Variants in PRPF8 observed in about 807,000 individuals in gnomAD.
PRPF8 encodes pre-mRNA-processing-splicing factor 8.
PRPF8 carries 64 observed loss-of-function variants against 285.9 expected under a neutral mutation model. That is an observed-to-expected ratio of 0.22 (90% CI 0.18 to 0.28). The LOEUF is 0.28. Among genes scored for constraint, PRPF8 ranks in the 10% least tolerant of loss-of-function variants. The pLI, the probability that PRPF8 is intolerant of heterozygous loss-of-function variation, is 1.00. For synonymous variants in PRPF8, 1,325 were observed against 1,118.2 expected, an observed-to-expected ratio of 1.18 and a Z score of -3.69; for missense variants, 1,426 against 3,026.7, an observed-to-expected ratio of 0.47 and a Z score of 12.41.
At chr17:1,670,079 C>A (rs1041954041) in intron 24 of PRPF8, among the ~76,000 whole-genome samples, 1 of 152,150 alleles carries the variant, frequency 6.6e-6, no homozygotes, top group Non-Finnish European at 1.5e-5. Flanking sequence ...CTTTTTAAAT[C>A]AAATCTAACA....
chr17:1,676,827 C>CCA lies in PRPF8; in HGVS notation c.2182-118_2182-117dup. ...ATCGCTTGAGCTCAGGAGCTTGAGG[C>CCA]CAGCCTAAGCAACATGGTGCTTCTT... is the stretch of plus-strand genomic sequence containing the variant. On this transcript the variant is annotated intron_variant, in intron 15 of 42. Transcript: ENST00000304992. This position sits in a 1 kb window ranked among gnomAD's most constrained non-coding sequence, Gnocchi z 6.3. The CCA allele has an allele frequency of 3.4e-6, 5 of 1,465,392 alleles. No homozygotes were observed. The highest frequency in any genetic ancestry group is 4.7e-6 in the Non-Finnish European group (5 of 1,055,730). 90.8% of individuals were successfully genotyped at this position (1,465,392 alleles called of 1,614,324 possible). A position where few individuals can be genotyped will look rare whatever the true frequency, so the allele number is the denominator to read the frequency against.
intron 24 of PRPF8, 173 bp downstream of exon 24, chr17:1,672,908 A>G (rs1052047707): frequency 7.3e-6 from 5 of 683,920 alleles, no homozygotes; most frequent in Non-Finnish European, 1.1e-5. Flanking sequence ...CGCTCAGAAA[A>G]TAACGATGAA....
chr17:1,661,442 T>C lies in PRPF8; in HGVS notation c.4203-36A>G, dbSNP rs776767525. On this transcript the variant is annotated intron_variant, in intron 26 of 42. Coordinates refer to ENST00000304992, the MANE Select transcript of PRPF8 (RefSeq NM_006445.4). The surrounding 1 kb of genome is among the most constrained non-coding windows in gnomAD (Gnocchi z 7.3). Reference sequence around the variant, plus strand: ...AAGAAAGATTCAAGTCAAAACGTGATCTCATATGAGGAGCTCAGCACTCCT... The same window carrying C: ...AAGAAAGATTCAAGTCAAAACGTGACCTCATATGAGGAGCTCAGCACTCCT... 8 of 1,613,898 alleles carry C rather than the reference T, an allele frequency of 5.0e-6. No homozygotes were observed. The highest frequency in any genetic ancestry group is 5.9e-6 in the Non-Finnish European group (7 of 1,180,040).
intron 37 of PRPF8, among the ~76,000 whole-genome samples, 178 bp downstream of exon 37, chr17:1,655,172 G>T (rs931978947): frequency 2.7e-5 from 4 of 149,886 alleles, no homozygotes; most frequent in African/African-American, 9.9e-5. Context: ...TGGCCAGGAT[G>T]GTTTCAAACT....
intron 6 of PRPF8, 111 bp downstream of exon 6, chr17:1,681,367 A>T: frequency 8.1e-7 from 1 of 1,229,148 alleles, no homozygotes; most frequent in Non-Finnish European, 1.2e-6. Context: ...AGCGTGAGCC[A>T]CTGCACCTGG....
chr17:1,652,166 A>G (rs1911114208), intron 39 of PRPF8: 1 of 370,534 alleles, frequency 2.7e-6, no homozygotes. Flanking sequence ...ACCAAGAAAG[A>G]AAGAGGATCT....
In PRPF8 at chr17:1,681,068, T is replaced by A; in HGVS notation, c.867-14A>T. On this transcript the variant is annotated splice_polypyrimidine_tract_variant and intron_variant, in intron 6 of 42. Coordinates refer to ENST00000304992, the MANE Select transcript of PRPF8 (RefSeq NM_006445.4). ...CAGTCTTCATCCCTAGGGTACAACA[T>A]CAAGAATAAGCAGACTTTTTTTTTT... 3 of 1,611,812 alleles carry A rather than the reference T, an allele frequency of 1.9e-6. No individual in the cohort carries two copies. The highest frequency in any genetic ancestry group is 2.5e-6 in the Non-Finnish European group (3 of 1,178,414).
Position 1,676,239 on chromosome 17 carries a change from G to A in PRPF8, c.2520C>T (p.Ile840=). Residue 840 remains isoleucine, a synonymous_variant, in exon 17 of 43, where the codon ATC becomes ATT. Transcript: ENST00000304992. This position sits in a 1 kb window ranked among gnomAD's most constrained non-coding sequence, Gnocchi z 6.3. ...LSYKHDTKLL[I]LALERLKEAY... ...CTTCCTTGAGCCGCTCCAATGCCAA[G>A]ATGAGCAACTTGGTGTCATGCTTAT... 1 of 1,613,980 alleles carries A rather than the reference G, an allele frequency of 6.2e-7. No individual in the cohort carries two copies. Among genetic ancestry groups the A allele is most frequent in the Non-Finnish European group, 8.5e-7 (1 of 1,180,028 alleles).
intron 34 of PRPF8, 145 bp from the exon 35 acceptor site, chr17:1,656,906 G>A (rs1363313460): frequency 2.5e-6 from 2 of 803,430 alleles, no homozygotes; most frequent in South Asian, 1.5e-5. Flanking sequence ...GGTACAAAGA[G>A]TATCAAATGG....
intron 14 of PRPF8, 196 bp downstream of exon 14, chr17:1,677,369 C>A: frequency 1.0e-6 from 1 of 971,950 alleles, no homozygotes; most frequent in Non-Finnish European, 1.6e-6. Flanking sequence ...TCCACTCCTG[C>A]AAATGCATGA....
Position 1,651,620 on chromosome 17 carries a change from A to G in PRPF8, c.6510+28T>C, listed in dbSNP as rs1389854947. ...ACAGGAATCGCACCAGCTTTTCCAC[A>G]CTCCCAGGCTCCATCACTCCCCATT... On this transcript the variant is annotated intron_variant, in intron 40 of 42. Coordinates refer to ENST00000304992, the MANE Select transcript of PRPF8 (RefSeq NM_006445.4). The surrounding 1 kb of genome is among the most constrained non-coding windows in gnomAD (Gnocchi z 5.1). 6.2e-7 allele frequency: 1 copy of G among 1,613,712 alleles called. No homozygotes were observed. Among genetic ancestry groups the G allele is most frequent in the South Asian group, 1.1e-5 (1 of 91,048 alleles).
intron 2 of PRPF8, among the ~76,000 whole-genome samples, chr17:1,684,071 G>A (rs573910850): frequency 2.0e-5 from 3 of 151,968 alleles, no homozygotes; most frequent in Non-Finnish European, 2.9e-5. Flanking sequence ...ATTTTTCGTA[G>A]AGACGAGGTT....
chr17:1,661,473 GC>G lies in PRPF8; in HGVS notation c.4203-68del, dbSNP rs1352956128. ...ATGAGGAGCTCAGCACTCCTTCCTG[GC>G]CAAAAATAATTAGGGTCAGTAGAAC... On this transcript the variant is annotated intron_variant, in intron 26 of 42. Coordinates refer to ENST00000304992, the MANE Select transcript of PRPF8 (RefSeq NM_006445.4). This position sits in a 1 kb window ranked among gnomAD's most constrained non-coding sequence, Gnocchi z 7.3. 4 of 1,612,100 alleles carry G rather than the reference GC, an allele frequency of 2.5e-6. No homozygotes were observed. Among genetic ancestry groups the G allele is most frequent in the Non-Finnish European group, 3.4e-6 (4 of 1,179,276 alleles).
At chr17:1,667,994 C>T (rs1238652024) in intron 24 of PRPF8, among the ~76,000 whole-genome samples, 2 of 152,148 alleles carry the variant, frequency 1.3e-5, no homozygotes, top group African/African-American at 4.8e-5. Context: ...TGCAATTTAC[C>T]AAGTAATATG....
At chr17:1,665,625 C>T (rs1429084925) in intron 24 of PRPF8, among the ~76,000 whole-genome samples, 4 of 150,764 alleles carry the variant, frequency 2.7e-5, no homozygotes, top group South Asian at 2.1e-4. Flanking sequence ...AGGTGGATCA[C>T]GAGGTCAAGA....
intron 6 of PRPF8, 90 bp downstream of exon 6, chr17:1,681,388 C>CT: frequency 7.2e-7 from 1 of 1,392,248 alleles, no homozygotes; most frequent in African/African-American, 1.4e-5. Flanking sequence ...TGTAAACAGA[C>CT]TAATTTGGAA....
At chr17:1,657,769 C>T (rs1567677781) in intron 34 of PRPF8, among the ~76,000 whole-genome samples, 3 of 150,374 alleles carry the variant, frequency 2.0e-5, no homozygotes, top group Non-Finnish European at 2.9e-5. Flanking sequence ...GAGATCGAGA[C>T]CATCCTGGCT....
intron 24 of PRPF8, among the ~76,000 whole-genome samples, chr17:1,667,838 G>A (rs544567013): frequency 3.9e-4 from 59 of 151,972 alleles, no homozygotes; most frequent in Non-Finnish European, 7.9e-4. Context: ...CACCGCACCC[G>A]GCCTATTTAT....
chr17:1,660,635 A>C, intron 29 of PRPF8, 57 bp from the exon 30 acceptor site: 1 of 1,614,230 alleles, frequency 6.2e-7, no homozygotes, highest in Non-Finnish European at 8.5e-7. Flanking sequence ...CGCTCACGAC[A>C]TAACCAAGGC....
Sources: gnomAD v4.1 joint callset for allele counts (sites outside exome capture counted in the v4.1 genomes callset) on GRCh38, gnomAD v4.1.1 for gene constraint, Gnocchi (gnomAD v3.1) non-coding constraint, MANE v1.5 for transcripts, NCBI Gene and HGNC (gene_info 2026-07-23, HGNC 2026-07-21) for gene names.